The following CRIM1 variants were observed in gnomAD, a reference collection of about 807,000 sequenced individuals.
CRIM1 encodes the protein cysteine rich transmembrane BMP regulator 1.
Under a neutral mutation model 116.4 loss-of-function variants are expected in CRIM1, and 32 were observed. The observed-to-expected ratio is 0.27, with a 90% CI of 0.21 to 0.37. The LOEUF (loss-of-function observed/expected upper bound fraction) is 0.37. CRIM1 is among the 10% of genes least tolerant of loss of function. The pLI is 1.00. For synonymous variants in CRIM1, 590 were observed against 509.2 expected (o/e 1.16, Z -2.13); for missense variants, 1,331 against 1,354.8 (o/e 0.98, Z 0.28).
At chr2:36,505,426 C>G (rs1238474405) in intron 8 of CRIM1, among the ~76,000 whole-genome samples, 6 of 104,654 alleles carry the variant, frequency 5.7e-5, no homozygotes, top group Admixed American at 4.6e-4. Flanking sequence ...AGACCTAAAA[C>G]ATTTCTAATA....
chr2:36,376,091 A>G (rs1013467590), intron 1 of CRIM1, among the ~76,000 whole-genome samples: 12 of 152,196 alleles, frequency 7.9e-5, no homozygotes, highest in African/African-American at 2.9e-4. Context: ...GAGGGCCTGG[A>G]CTTCCCTAAG....
intron 8 of CRIM1, among the ~76,000 whole-genome samples, chr2:36,505,316 G>A (rs1240522482): frequency 6.6e-6 from 1 of 152,094 alleles, no homozygotes; most frequent in East Asian, 1.9e-4. Context: ...GAAATGACAT[G>A]TAACAAAACC....
chr2:36,495,951 T>G (rs193229868), intron 7 of CRIM1, among the ~76,000 whole-genome samples: 9 of 152,308 alleles, frequency 5.9e-5, no homozygotes, highest in African/African-American at 2.2e-4. Flanking sequence ...CTACTCTGGC[T>G]ATGGTCTCAC....
intron 1 of CRIM1, among the ~76,000 whole-genome samples, chr2:36,360,320 T>C (rs1413277806): frequency 6.6e-6 from 1 of 152,208 alleles, no homozygotes; most frequent in Non-Finnish European, 1.5e-5. Context: ...GAGGACTCTG[T>C]TGTATTAGAT....
chr2:36,520,682 C>T (rs1665328838), intron 12 of CRIM1, among the ~76,000 whole-genome samples: 1 of 152,202 alleles, frequency 6.6e-6, no homozygotes, highest in Non-Finnish European at 1.5e-5. Flanking sequence ...GGGCCAATCC[C>T]ATTATGCTGG....
intron 2 of CRIM1, among the ~76,000 whole-genome samples, chr2:36,406,587 G>T (rs1672814774): frequency 6.7e-6 from 1 of 149,452 alleles, no homozygotes; most frequent in Admixed American, 6.7e-5. Context: ...AACTTGATAA[G>T]TCTTACTAGT....
intron 5 of CRIM1, among the ~76,000 whole-genome samples, chr2:36,466,329 A>G (rs1037152439): frequency 2.0e-5 from 3 of 152,056 alleles, no homozygotes; most frequent in Non-Finnish European, 1.5e-5. Context: ...GAACAGAAAA[A>G]GTTCTGTGCA....
At chr2:36,535,076 G>A (rs1666439301) in intron 13 of CRIM1, among the ~76,000 whole-genome samples, 1 of 143,334 alleles carries the variant, frequency 7.0e-6, no homozygotes, top group Non-Finnish European at 1.5e-5. Context: ...TGTGTATGGA[G>A]AGAGGAAGGA....
chr2:36,519,136 G>GAGT (rs1278966767), intron 12 of CRIM1, among the ~76,000 whole-genome samples: 1 of 152,198 alleles, frequency 6.6e-6, no homozygotes, highest in African/African-American at 2.4e-5. Context: ...TTAACTAAGG[G>GAGT]AGTGGCACTG....
intron 4 of CRIM1, among the ~76,000 whole-genome samples, chr2:36,464,051 A>C (rs1370423387): frequency 6.6e-6 from 1 of 152,214 alleles, no homozygotes; most frequent in East Asian, 1.9e-4. Flanking sequence ...CTAATAACTT[A>C]ATCATTGAAC....
At chr2:36,544,327 C>CA in intron 14 of CRIM1, 49 bp from the exon 15 acceptor site, 1 of 1,315,274 alleles carries the variant, frequency 7.6e-7, no homozygotes, top group Non-Finnish European at 9.8e-7. Context: ...CAAAAGCCAA[C>CA]AATACAGCAG....
intron 7 of CRIM1, among the ~76,000 whole-genome samples, chr2:36,498,021 C>T (rs1301129463): frequency 6.6e-6 from 1 of 152,204 alleles, no homozygotes; most frequent in Non-Finnish European, 1.5e-5. Context: ...CAGTTACCCT[C>T]TCTGCACCTC....
intron 7 of CRIM1, among the ~76,000 whole-genome samples, chr2:36,482,725 C>T (rs934563058): frequency 2.0e-5 from 3 of 152,210 alleles, no homozygotes; most frequent in African/African-American, 7.2e-5. Flanking sequence ...GGCCCTTACC[C>T]TATTAGCTAC....
intron 2 of CRIM1, among the ~76,000 whole-genome samples, chr2:36,424,600 A>G (rs916744505): frequency 6.6e-6 from 1 of 151,724 alleles, no homozygotes; most frequent in Non-Finnish European, 1.5e-5. Context: ...TTCACACATC[A>G]CTCTCCTTTT....
intron 7 of CRIM1, among the ~76,000 whole-genome samples, chr2:36,493,832 G>A (rs939757340): frequency 1.3e-5 from 2 of 152,102 alleles, no homozygotes; most frequent in Non-Finnish European, 2.9e-5. Context: ...AAAAATTATT[G>A]TATTGTTTCA....
At chr2:36,419,913 A>G (rs1673921333) in intron 2 of CRIM1, among the ~76,000 whole-genome samples, 1 of 152,198 alleles carries the variant, frequency 6.6e-6, no homozygotes, top group African/African-American at 2.4e-5. Context: ...TTTGTAGCAA[A>G]TATGTGGCTT....
intron 6 of CRIM1, among the ~76,000 whole-genome samples, chr2:36,478,447 A>G (rs1349141197): frequency 1.3e-5 from 2 of 152,194 alleles, no homozygotes; most frequent in African/African-American, 4.8e-5. Context: ...GTTATGTCTC[A>G]CTTCCTGGAA....
At chr2:36,360,919 G>A (rs954564683) in intron 1 of CRIM1, among the ~76,000 whole-genome samples, 3 of 152,088 alleles carry the variant, frequency 2.0e-5, no homozygotes, top group African/African-American at 7.2e-5. Context: ...AAGTCCTTAG[G>A]TAGACAGGGA....
At chr2:36,448,483 T>C (rs1676424944) in intron 4 of CRIM1, among the ~76,000 whole-genome samples, 1 of 152,242 alleles carries the variant, frequency 6.6e-6, no homozygotes, top group African/African-American at 2.4e-5. Flanking sequence ...CTCTTCACTT[T>C]GCCTCCGTAA....
Sources: allele counts gnomAD v4.1 joint callset (sites outside exome capture counted in the v4.1 genomes callset), GRCh38; gene constraint gnomAD v4.1.1; transcripts MANE v1.5; gene names NCBI Gene and HGNC (gene_info 2026-07-23, HGNC 2026-07-21).